DIS3L2: variants seen among roughly 807,000 people sequenced by gnomAD.
DIS3L2 encodes DIS3-like exonuclease 2.
DIS3L2 carries 34 observed loss-of-function variants against 97.5 expected under a neutral mutation model. That is an observed-to-expected ratio of 0.35 (90% CI 0.27 to 0.46). DIS3L2 has a LOEUF of 0.46. Among genes scored for constraint, DIS3L2 ranks in the 20% least tolerant of loss-of-function variants. The pLI is 1.00. For synonymous variants in DIS3L2, 435 were observed against 445.2 expected (o/e 0.98, Z 0.29); for missense variants, 1,038 against 1,146.0 (o/e 0.91, Z 1.36).
intron 14 of DIS3L2, among the ~76,000 whole-genome samples, chr2:232,316,370 T>G (rs1049643708): frequency 1.3e-5 from 2 of 152,014 alleles, no homozygotes; most frequent in Non-Finnish European, 2.9e-5. Flanking sequence ...CCACACTAGA[T>G]GTCCACACAA....
At chr2:232,303,750 A>G (rs1321756800) in intron 14 of DIS3L2, among the ~76,000 whole-genome samples, 1 of 152,178 alleles carries the variant, frequency 6.6e-6, no homozygotes, top group African/African-American at 2.4e-5. Context: ...TATCAAAAGC[A>G]GGTAAAGTTT....
chr2:232,157,867 A>C (rs751634403), intron 8 of DIS3L2, among the ~76,000 whole-genome samples: 2 of 152,196 alleles, frequency 1.3e-5, no homozygotes, highest in Non-Finnish European at 2.9e-5. Flanking sequence ...CAAGCACTGC[A>C]GCGATGGGGA....
chr2:232,137,096 CA>C (rs1698381206), intron 8 of DIS3L2, among the ~76,000 whole-genome samples: 1 of 152,202 alleles, frequency 6.6e-6, no homozygotes. Context: ...TAGGCATATT[CA>C]GGAGACCCCA....
At chr2:232,264,909 G>A (rs2106282989) in intron 13 of DIS3L2, among the ~76,000 whole-genome samples, 1 of 152,328 alleles carries the variant, frequency 6.6e-6, no homozygotes, top group Admixed American at 6.5e-5. Flanking sequence ...TCCTTCCCCA[G>A]CCTGGGCTCG....
At chr2:232,084,597 G>A (rs116119149) in intron 5 of DIS3L2, among the ~76,000 whole-genome samples, 1,622 of 152,222 alleles carry the variant, frequency 0.011, 33 homozygotes, top group African/African-American at 0.037. Flanking sequence ...TGCTGGCCTG[G>A]CCAGTAGAAC....
At chr2:232,078,667 C>G (rs1696289614) in intron 5 of DIS3L2, among the ~76,000 whole-genome samples, 1 of 152,146 alleles carries the variant, frequency 6.6e-6, no homozygotes, top group Admixed American at 6.5e-5. Flanking sequence ...ATTCATCAAA[C>G]ATTGAGTACT....
At chr2:232,081,786 C>T (rs551798164) in intron 5 of DIS3L2, among the ~76,000 whole-genome samples, 4 of 152,116 alleles carry the variant, frequency 2.6e-5, no homozygotes, top group Non-Finnish European at 5.9e-5. Context: ...AGTCCCACAC[C>T]TTTACTTTTT....
At chr2:232,238,410 A>G (rs1692990049) in intron 10 of DIS3L2, 123 bp from the exon 11 acceptor site, 1 of 703,802 alleles carries the variant, frequency 1.4e-6, no homozygotes, top group African/African-American at 1.8e-5. Context: ...GCAAGACTAG[A>G]TGTGTCACCT....
intron 1 of DIS3L2, among the ~76,000 whole-genome samples, chr2:231,996,113 A>G (rs1323329908): frequency 6.6e-6 from 1 of 152,256 alleles, no homozygotes; most frequent in African/African-American, 2.4e-5. Flanking sequence ...AACTAAGATC[A>G]AGACTGAAAA....
chr2:232,127,273 C>T (rs1020837971), intron 6 of DIS3L2, among the ~76,000 whole-genome samples: 12 of 152,162 alleles, frequency 7.9e-5, no homozygotes, highest in African/African-American at 2.9e-4. Flanking sequence ...CAAATAGAAC[C>T]ACCTCCGAAA....
rs752296462 is a variant in DIS3L2, at chr2:232,249,361, G to A, written c.1425+15G>A. ...CAGAGGGCAAGGTAACAACTTACAC[G>A]TTTTCTTTCTCCACTTACCTCTTTT... is the stretch of plus-strand genomic sequence containing the variant. On this transcript the variant is annotated intron_variant, in intron 12 of 20. Coordinates refer to ENST00000325385, the MANE Select transcript of DIS3L2 (RefSeq NM_152383.5). 1.1e-5 allele frequency: 17 copies of A among 1,611,994 alleles called. No homozygotes were observed. Among genetic ancestry groups the A allele is most frequent in the African/African-American group, 4.0e-5 (3 of 74,926 alleles).
At chr2:232,090,909 C>G (rs977517099) in intron 6 of DIS3L2, among the ~76,000 whole-genome samples, 7 of 152,194 alleles carry the variant, frequency 4.6e-5, no homozygotes, top group Non-Finnish European at 8.8e-5. Flanking sequence ...CACATTGCTC[C>G]CGTTGTCTGT....
chr2:232,104,854 G>A (rs1697313551), intron 6 of DIS3L2, among the ~76,000 whole-genome samples: 1 of 152,154 alleles, frequency 6.6e-6, no homozygotes, highest in Admixed American at 6.6e-5. Flanking sequence ...GTCTGGCTGT[G>A]TTCCCCAGGC....
chr2:232,273,185 T>C (rs720735), intron 13 of DIS3L2, among the ~76,000 whole-genome samples: 17,118 of 151,972 alleles, frequency 0.11, 1,691 homozygotes, highest in East Asian at 0.46. Flanking sequence ...TCCTAGGGTT[T>C]CCCTGATACT....
chr2:232,336,928 G>A lies in DIS3L2; in HGVS notation c.*298G>A. 8.2e-7 allele frequency: 1 copy of A among 1,224,180 alleles called. No homozygotes were observed. The highest frequency in any genetic ancestry group is 1.0e-6 in the Non-Finnish European group (1 of 975,010). 75.8% of individuals were successfully genotyped at this position (1,224,180 alleles called of 1,614,324 possible). Reference sequence around the variant, plus strand: ...TGCCCTCCTCTGCCCAGGAAATGGGGGGGTTTCAGCAACTCAGTGTCACAG... The same window carrying A: ...TGCCCTCCTCTGCCCAGGAAATGGGAGGGTTTCAGCAACTCAGTGTCACAG... On this transcript the variant is annotated 3_prime_UTR_variant, in exon 21 of 21. Coordinates refer to ENST00000325385, the MANE Select transcript of DIS3L2 (RefSeq NM_152383.5).
In DIS3L2 at chr2:232,278,552, G is replaced by A. The variant is rs144235416; in HGVS notation, c.1659+15112G>A. On this transcript the variant is annotated intron_variant, in intron 13 of 20. Coordinates refer to ENST00000325385, the MANE Select transcript of DIS3L2 (RefSeq NM_152383.5). ...TGCCTTTCCAGAATGTCACACAAAT[G>A]GAATCATTCCGTTGGTAGCATTTTA... Among the ~76,000 whole-genome samples the A allele has an allele frequency of 2.2e-3, 330 of 152,226 alleles. 4 individuals are homozygous for A. Among genetic ancestry groups the A allele is most frequent in the Non-Finnish European group, 2.9e-4 (20 of 68,034 alleles).
intron 14 of DIS3L2, among the ~76,000 whole-genome samples, chr2:232,304,709 T>C (rs1349458741): frequency 6.6e-6 from 1 of 152,178 alleles, no homozygotes; most frequent in Non-Finnish European, 1.5e-5. Flanking sequence ...GCAGCCTGAG[T>C]GAGTGTGTGT....
At chr2:231,983,762 ACCTGTAATC>A (rs1311243149) in intron 1 of DIS3L2, among the ~76,000 whole-genome samples, 80 of 152,050 alleles carry the variant, frequency 5.3e-4, no homozygotes, top group African/African-American at 1.9e-3. Flanking sequence ...GGTGGCATGC[ACCTGTAATC>A]CCAGCTACTC....
chr2:232,252,715 A>G (rs1236060965), intron 12 of DIS3L2, among the ~76,000 whole-genome samples: 1 of 152,170 alleles, frequency 6.6e-6, no homozygotes, highest in East Asian at 1.9e-4. Context: ...AGCTTGGGCA[A>G]CATATTGAAA....
Sources: gnomAD v4.1 joint callset for allele counts (sites outside exome capture counted in the v4.1 genomes callset) on GRCh38, gnomAD v4.1.1 for gene constraint, MANE v1.5 for transcripts, NCBI Gene and HGNC (gene_info 2026-07-23, HGNC 2026-07-21) for gene names.